SYN3: variants seen among roughly 807,000 people sequenced by gnomAD.
SYN3 encodes synapsin-3.
A neutral mutation model predicts 65.8 loss-of-function variants in SYN3; 35 were observed. That is an observed-to-expected ratio of 0.53 (90% CI 0.41 to 0.70). SYN3 has a LOEUF of 0.70. Ranked by LOEUF, SYN3 falls within the 30% of genes least tolerant of loss-of-function variation. SYN3 has a pLI of 0.00. For synonymous variants in SYN3, 270 were observed against 292.9 expected (o/e 0.92, Z 0.80); for missense variants, 680 against 749.0 (o/e 0.91, Z 1.08).
Position 32,843,531 on chromosome 22 carries a change from G to A in SYN3, c.711+21384C>T, listed in dbSNP as rs143731715. The stretch of plus-strand genomic sequence containing the variant: ...TGAGCACTCCGGCCTCAGCAAGGCC[G>A]CTCCCTTTGTCATCCTGTGGGAGAT... On this transcript the variant is annotated intron_variant, in intron 6 of 13. Coordinates refer to ENST00000358763, the MANE Select transcript of SYN3 (RefSeq NM_003490.4). Among the ~76,000 whole-genome samples the A allele has an allele frequency of 8.8e-4, 134 of 152,320 alleles. 1 individual carries two copies. The East Asian group carries it at 0.022, about 25-fold the overall frequency.
At chr22:32,636,706 GA>G (rs1404749999) in intron 6 of SYN3, among the ~76,000 whole-genome samples, 3 of 152,144 alleles carry the variant, frequency 2.0e-5, no homozygotes, top group African/African-American at 7.2e-5. Context: ...CTTTGCCTTG[GA>G]TATCTGAGAG....
At chr22:32,814,133 T>TGAGA (rs1449647586) in intron 6 of SYN3, among the ~76,000 whole-genome samples, 6 of 75,620 alleles carry the variant, frequency 7.9e-5, no homozygotes, top group Non-Finnish European at 1.8e-4. Flanking sequence ...TGTGTGTGTG[T>TGAGA]GTGTGTGTGA....
In SYN3 at chr22:32,507,928, C is replaced by T. The variant is rs1276392450; in HGVS notation, c.*5764G>A. On this transcript the variant is annotated 3_prime_UTR_variant, in exon 14 of 14. Coordinates refer to ENST00000358763, the MANE Select transcript of SYN3 (RefSeq NM_003490.4). ...GCTTAATCTCTCCCACTCTAGGTTC[C>T]CACGCCGCCCCTAATCCCACTCGAA... 2.0e-5 allele frequency among the ~76,000 whole-genome samples: 3 copies of T among 152,026 alleles called. No individual in the cohort carries two copies. The highest frequency in any genetic ancestry group is 7.3e-5 in the African/African-American group (3 of 41,306).
At chr22:32,771,079 C>T (rs1044767719) in intron 6 of SYN3, among the ~76,000 whole-genome samples, 2 of 151,964 alleles carry the variant, frequency 1.3e-5, no homozygotes, top group African/African-American at 4.8e-5. Flanking sequence ...CCCCAACAGG[C>T]CCTGGTGTGT....
chr22:32,767,026 T>C (rs1225783370), intron 6 of SYN3, among the ~76,000 whole-genome samples: 1 of 152,206 alleles, frequency 6.6e-6, no homozygotes, highest in African/African-American at 2.4e-5. Flanking sequence ...TCTCCCTCCC[T>C]TCCAAATCCA....
At chr22:32,976,311 C>G (rs2052185033) in intron 3 of SYN3, among the ~76,000 whole-genome samples, 1 of 152,192 alleles carries the variant, frequency 6.6e-6, no homozygotes, top group Non-Finnish European at 1.5e-5. Context: ...TATACCTTCT[C>G]TTGCCTTTTG....
In SYN3 at chr22:32,659,627, G is replaced by T. The variant is rs919538857; in HGVS notation, c.712-62891C>A. On this transcript the variant is annotated intron_variant, in intron 6 of 13. Coordinates refer to ENST00000358763, the MANE Select transcript of SYN3 (RefSeq NM_003490.4). Reference sequence around the variant, plus strand: ...GTTCCTTTTCACCCTAGGAGCACAGGATAGTATTAGAGTCCTTGAAAAGGT... The same window carrying T: ...GTTCCTTTTCACCCTAGGAGCACAGTATAGTATTAGAGTCCTTGAAAAGGT... 2.0e-5 allele frequency among the ~76,000 whole-genome samples: 3 copies of T among 152,324 alleles called. No homozygotes were observed. The East Asian group carries it at 5.8e-4, about 29-fold the overall frequency.
At chr22:32,620,718 A>G (rs1393118656) in intron 6 of SYN3, among the ~76,000 whole-genome samples, 1 of 152,006 alleles carries the variant, frequency 6.6e-6, no homozygotes, top group East Asian at 1.9e-4. Flanking sequence ...TTCACAACCC[A>G]AATCACTCTT....
chr22:32,683,152 G>A (rs2060545765), intron 6 of SYN3, among the ~76,000 whole-genome samples: 2 of 152,204 alleles, frequency 1.3e-5, no homozygotes, highest in Non-Finnish European at 2.9e-5. Context: ...AAGTGATGAT[G>A]GAGTGAGCTT....
chr22:32,976,041 A>G (rs1353294346), intron 3 of SYN3, among the ~76,000 whole-genome samples: 1 of 152,214 alleles, frequency 6.6e-6, no homozygotes, highest in Non-Finnish European at 1.5e-5. Flanking sequence ...GAGAAAATAT[A>G]AATACGGGGT....
At chr22:32,984,676 C>T (rs1490918602) in intron 2 of SYN3, among the ~76,000 whole-genome samples, 1 of 152,098 alleles carries the variant, frequency 6.6e-6, no homozygotes, top group African/African-American at 2.4e-5. Context: ...AGAGGTGTGG[C>T]TAATAAGGAC....
chr22:32,950,013 GA>G (rs1251955123), intron 3 of SYN3, among the ~76,000 whole-genome samples: 2 of 152,160 alleles, frequency 1.3e-5, no homozygotes, highest in African/African-American at 4.8e-5. Flanking sequence ...GATTTGTCTG[GA>G]ATCCCAGGGT....
At chr22:32,885,316 C>A (rs1569302717) in intron 4 of SYN3, among the ~76,000 whole-genome samples, 1 of 152,174 alleles carries the variant, frequency 6.6e-6, no homozygotes, top group African/African-American at 2.4e-5. Context: ...AAATCAGAGG[C>A]TCAATGTCAG....
At chr22:32,964,436 A>T (rs1007542115) in intron 3 of SYN3, among the ~76,000 whole-genome samples, 1 of 148,144 alleles carries the variant, frequency 6.8e-6, no homozygotes, top group Non-Finnish European at 1.5e-5. Flanking sequence ...AAAAAAAAAA[A>T]AAGAAAGGTC....
chr22:32,540,330 G>A (rs2058234776), intron 8 of SYN3, among the ~76,000 whole-genome samples: 1 of 152,180 alleles, frequency 6.6e-6, no homozygotes, highest in Non-Finnish European at 1.5e-5. Context: ...GTTGTGGTTT[G>A]CCAACCCTAG....
chr22:32,977,721 C>T (rs368027110), intron 3 of SYN3, among the ~76,000 whole-genome samples: 1 of 140,826 alleles, frequency 7.1e-6, no homozygotes, highest in African/African-American at 2.7e-5. Flanking sequence ...TCCAGCCTGG[C>T]GACAGGGTGA....
At chr22:32,773,794 C>G (rs2045837437) in intron 6 of SYN3, among the ~76,000 whole-genome samples, 1 of 152,100 alleles carries the variant, frequency 6.6e-6, no homozygotes, top group Non-Finnish European at 1.5e-5. Flanking sequence ...GGGCCTGCAA[C>G]TGAATTAGGT....
chr22:33,042,419 C>A (rs1054869143), intron 1 of SYN3, among the ~76,000 whole-genome samples: 6 of 152,246 alleles, frequency 3.9e-5, no homozygotes, highest in Non-Finnish European at 7.3e-5. Context: ...GTAAACAATA[C>A]ACGTATATTT....
intron 1 of SYN3, among the ~76,000 whole-genome samples, chr22:33,048,103 C>A (rs911667167): frequency 2.6e-5 from 4 of 152,108 alleles, no homozygotes; most frequent in Non-Finnish European, 5.9e-5. Context: ...ACACTAGTGG[C>A]CAGTTTCTTC....
Sources: allele counts gnomAD v4.1 joint callset (sites outside exome capture counted in the v4.1 genomes callset), GRCh38; gene constraint gnomAD v4.1.1; transcripts MANE v1.5; gene names NCBI Gene and HGNC (gene_info 2026-07-23, HGNC 2026-07-21).